The following CTNND2 variants were observed in gnomAD, a reference collection of about 807,000 sequenced individuals.
CTNND2 encodes catenin delta 2.
CTNND2 carries 22 observed loss-of-function variants against 144.4 expected under a neutral mutation model. That is an observed-to-expected ratio of 0.15 (90% CI 0.11 to 0.22). The LOEUF is 0.22. Among genes scored for constraint, CTNND2 ranks in the 10% least tolerant of loss-of-function variants. The pLI, the probability that CTNND2 is intolerant of heterozygous loss-of-function variation, is 1.00. For missense variants in CTNND2, 1,353 were observed against 1,618.8 expected (o/e 0.84, Z 2.82); for synonymous variants, 751 against 695.6 (o/e 1.08, Z -1.25).
intron 3 of CTNND2, among the ~76,000 whole-genome samples, chr5:11,469,826 G>A (rs1767000563): frequency 6.6e-6 from 1 of 151,672 alleles, no homozygotes. Flanking sequence ...TCACCACCTG[G>A]CCCAATTTAA....
At chr5:11,455,947 G>A (rs914765901) in intron 3 of CTNND2, among the ~76,000 whole-genome samples, 2 of 152,116 alleles carry the variant, frequency 1.3e-5, no homozygotes, top group Non-Finnish European at 2.9e-5. Context: ...TGATGGGAAT[G>A]CATTTATTTA....
At chr5:10,990,595 A>G (rs11745997) in intron 19 of CTNND2, among the ~76,000 whole-genome samples, 61,029 of 151,946 alleles carry the variant, frequency 0.4, 12,698 homozygotes, top group African/African-American at 0.5. Context: ...ATATTTTAAA[A>G]CCTGTTGACC....
intron 16 of CTNND2, among the ~76,000 whole-genome samples, chr5:11,062,711 G>C (rs191455277): frequency 6.6e-6 from 1 of 152,236 alleles, no homozygotes; most frequent in Non-Finnish European, 1.5e-5. Context: ...CCGCGTAAAG[G>C]CTTGCCAGGG....
chr5:11,894,064 C>T (rs145752938), intron 1 of CTNND2, among the ~76,000 whole-genome samples: 99 of 151,752 alleles, frequency 6.5e-4, no homozygotes, highest in African/African-American at 1.3e-3. Context: ...TGGCAGACTA[C>T]AGTTAGAGCG....
At chr5:11,053,250 T>A (rs746424589) in intron 16 of CTNND2, among the ~76,000 whole-genome samples, 29 of 152,212 alleles carry the variant, frequency 1.9e-4, no homozygotes, top group Admixed American at 1.0e-3. Context: ...AGAGGCAAGC[T>A]TATCAGAGAA....
intron 1 of CTNND2, among the ~76,000 whole-genome samples, chr5:11,851,666 AT>A (rs540240920): frequency 3.9e-4 from 59 of 152,308 alleles, no homozygotes; most frequent in Non-Finnish European, 7.6e-4. Context: ...ACAGGCAATC[AT>A]GTTTGTATTT....
intron 9 of CTNND2, among the ~76,000 whole-genome samples, chr5:11,332,212 T>A (rs528866817): frequency 5.7e-4 from 86 of 150,172 alleles, no homozygotes; most frequent in Middle Eastern, 3.4e-3. Flanking sequence ...GAGGCGGAGG[T>A]TTCGGTGAGT....
chr5:11,310,766 ACACATACACTCT>A (rs1750710794), intron 9 of CTNND2, among the ~76,000 whole-genome samples: 1 of 150,820 alleles, frequency 6.6e-6, no homozygotes, highest in Admixed American at 6.6e-5. Context: ...CACCTCACAC[ACACATACACTCT>A]CACATACACA....
At chr5:11,810,944 A>G (rs796525426) in intron 1 of CTNND2, among the ~76,000 whole-genome samples, 13 of 152,290 alleles carry the variant, frequency 8.5e-5, no homozygotes, top group African/African-American at 3.1e-4. Context: ...GTGATATTTT[A>G]CATATCATCT....
intron 2 of CTNND2, among the ~76,000 whole-genome samples, chr5:11,581,260 T>C (rs1778406825): frequency 6.6e-6 from 1 of 152,186 alleles, no homozygotes. Context: ...TTTTATTTTT[T>C]TATCTTATAT....
intron 1 of CTNND2, among the ~76,000 whole-genome samples, chr5:11,787,522 T>G (rs900604144): frequency 6.6e-6 from 1 of 152,230 alleles, no homozygotes; most frequent in African/African-American, 2.4e-5. Flanking sequence ...ATGTACTTAT[T>G]ATGTAAAGCA....
At chr5:11,557,816 C>T (rs933439665) in intron 3 of CTNND2, among the ~76,000 whole-genome samples, 7 of 152,244 alleles carry the variant, frequency 4.6e-5, no homozygotes, top group Middle Eastern at 3.4e-3. Context: ...CAAGCAGCAA[C>T]GAATTTTCTT....
chr5:11,004,113 A>G (rs1261950113), intron 18 of CTNND2, among the ~76,000 whole-genome samples: 2 of 152,248 alleles, frequency 1.3e-5, no homozygotes, highest in East Asian at 3.8e-4. Context: ...AATAGGTACC[A>G]ATGGAATGCA....
At chr5:11,165,174 A>G (rs964457074) in intron 11 of CTNND2, among the ~76,000 whole-genome samples, 6 of 152,230 alleles carry the variant, frequency 3.9e-5, no homozygotes, top group Admixed American at 1.3e-4. Context: ...GAAAAATGTT[A>G]TTTAAGTGGG....
chr5:10,987,237 G>A (rs1279605095), intron 20 of CTNND2, among the ~76,000 whole-genome samples: 1 of 152,228 alleles, frequency 6.6e-6, no homozygotes, highest in African/African-American at 2.4e-5. Flanking sequence ...CAGGGAGAGG[G>A]TGAGGTATGG....
In CTNND2 at chr5:11,379,564, TA is replaced by T. The variant is rs139533514; in HGVS notation, c.1177+5100del. Among the ~76,000 whole-genome samples the T allele has an allele frequency of 2.8e-3, 429 of 151,440 alleles. 1 individual carries two copies. The highest frequency in any genetic ancestry group is 5.5e-3 in the Admixed American group (84 of 15,236). ...ATAATACATTTAACTCTTAATTTAT[TA>T]AAAAAAAACTAAACAAACTTTGGGT... On this transcript the variant is annotated intron_variant, in intron 7 of 21. Coordinates refer to ENST00000304623, the MANE Select transcript of CTNND2 (RefSeq NM_001332.4).
At chr5:11,641,757 C>T (rs371840399) in intron 2 of CTNND2, among the ~76,000 whole-genome samples, 7 of 138,170 alleles carry the variant, frequency 5.1e-5, no homozygotes, top group East Asian at 2.2e-4. Flanking sequence ...TGTGTATGTA[C>T]ATACATATAC....
At chr5:11,615,354 A>G (rs1780530902) in intron 2 of CTNND2, among the ~76,000 whole-genome samples, 1 of 152,206 alleles carries the variant, frequency 6.6e-6, no homozygotes, top group Non-Finnish European at 1.5e-5. Context: ...CCTTAAAGAA[A>G]CACGTATACA....
At chr5:11,662,615 C>T (rs1022500624) in intron 2 of CTNND2, among the ~76,000 whole-genome samples, 5 of 152,064 alleles carry the variant, frequency 3.3e-5, no homozygotes, top group African/African-American at 1.2e-4. Flanking sequence ...TAATCTCCTT[C>T]GGCAACACCC....
Sources: allele counts gnomAD v4.1 joint callset (sites outside exome capture counted in the v4.1 genomes callset), GRCh38; gene constraint gnomAD v4.1.1; transcripts MANE v1.5; gene names NCBI Gene and HGNC (gene_info 2026-07-23, HGNC 2026-07-21).